The following XXYLT1 variants were observed in gnomAD, a reference collection of about 807,000 sequenced individuals.
The protein encoded by XXYLT1 is xyloside xylosyltransferase 1, also known as UDP-xylose:alpha-xyloside alpha-1,3-xylosyltransferase.
XXYLT1 carries 20 observed loss-of-function variants against 28.9 expected under a neutral mutation model. The ratio of observed to expected loss-of-function variants is 0.69; its 90% CI spans 0.49 to 1.00. The LOEUF (loss-of-function observed/expected upper bound fraction) is 1.00, where lower values mean the gene tolerates loss of function less well. XXYLT1 is among the 50% of genes least tolerant of loss of function. XXYLT1 has a pLI of 0.00. For synonymous variants in XXYLT1, 257 were observed against 253.8 expected (o/e 1.01, Z -0.12); for missense variants, 542 against 560.1 (o/e 0.97, Z 0.33).
chr3:195,193,330 G>T (rs1722500513), intron 2 of XXYLT1, among the ~76,000 whole-genome samples: 1 of 150,790 alleles, frequency 6.6e-6, no homozygotes, highest in African/African-American at 2.4e-5. Flanking sequence ...AAATACTTAG[G>T]AATAAACTTA....
chr3:195,109,068 T>C (rs1717308224), intron 3 of XXYLT1, among the ~76,000 whole-genome samples: 1 of 152,188 alleles, frequency 6.6e-6, no homozygotes, highest in African/African-American at 2.4e-5. Context: ...CTCAGGAAAG[T>C]GAACTCGAAA....
rs750520716 is a variant in XXYLT1 at position 195,240,967 on chromosome 3, T to C, written c.505-14111A>G. On this transcript the variant is annotated intron_variant, in intron 1 of 3. Coordinates refer to ENST00000310380, the MANE Select transcript of XXYLT1 (RefSeq NM_152531.5). This position sits in a 1 kb window ranked among gnomAD's most constrained non-coding sequence, Gnocchi z 4.7. ...CACTAAAACGCTCCAAACCTATAGG[T>C]AGATCAAACACAATTCTGAACGGAA... Among the ~76,000 whole-genome samples, 4 of 152,138 alleles carry C rather than the reference T, an allele frequency of 2.6e-5. No homozygotes were observed. The highest frequency in any genetic ancestry group is 6.5e-5 in the Admixed American group (1 of 15,276).
intron 3 of XXYLT1, among the ~76,000 whole-genome samples, chr3:195,083,977 G>T (rs1715583839): frequency 6.6e-6 from 1 of 152,028 alleles, no homozygotes; most frequent in Admixed American, 6.6e-5. Context: ...AGCGAGCCGA[G>T]ATTGCACCAC....
chr3:195,217,769 C>G (rs1283677164), intron 2 of XXYLT1, among the ~76,000 whole-genome samples: 3 of 151,318 alleles, frequency 2.0e-5, no homozygotes, highest in Admixed American at 1.3e-4. Flanking sequence ...ATGCCATCCC[C>G]ATCAAGCTAC....
chr3:195,129,205 A>G lies in XXYLT1; in HGVS notation c.785+27244T>C, dbSNP rs1229837258. 2.0e-5 allele frequency among the ~76,000 whole-genome samples: 3 copies of G among 152,044 alleles called. No individual in the cohort carries two copies. Among genetic ancestry groups the G allele is most frequent in the African/African-American group, 7.2e-5 (3 of 41,542 alleles). ...CTGCACTTATACGGCAGCCATTTAC[A>G]ACCTCCTGCCCTCTCTCTCTCTCTT... On this transcript the variant is annotated intron_variant, in intron 3 of 3. Coordinates refer to ENST00000310380, the MANE Select transcript of XXYLT1 (RefSeq NM_152531.5). The surrounding 1 kb of genome is among the most constrained non-coding windows in gnomAD (Gnocchi z 4.4).
intron 3 of XXYLT1, among the ~76,000 whole-genome samples, chr3:195,114,223 A>G (rs1157731277): frequency 6.6e-6 from 1 of 152,352 alleles, no homozygotes; most frequent in East Asian, 1.9e-4. Flanking sequence ...GGAAAGCTGC[A>G]TTGGGTGGCC....
intron 1 of XXYLT1, among the ~76,000 whole-genome samples, chr3:195,234,580 A>G (rs1220837075): frequency 6.6e-6 from 1 of 151,964 alleles, no homozygotes; most frequent in Non-Finnish European, 1.5e-5. Context: ...CAGCCTCCCA[A>G]AGTGCTCGGA....
intron 1 of XXYLT1, among the ~76,000 whole-genome samples, chr3:195,229,862 T>G (rs1485831668): frequency 6.6e-6 from 1 of 152,218 alleles, no homozygotes; most frequent in Non-Finnish European, 1.5e-5. Flanking sequence ...GGTGCAGATA[T>G]GTCTTCGATA....
chr3:195,270,802 G>A lies in XXYLT1; in HGVS notation c.257C>T (p.Ala86Val). 4 of 1,522,680 alleles carry A rather than the reference G, an allele frequency of 2.6e-6. No individual in the cohort carries two copies. Among genetic ancestry groups the A allele is most frequent in the Non-Finnish European group, 3.5e-6 (4 of 1,139,040 alleles). The allele number at this position is 1,522,680 out of a possible 1,614,324, so 94.3% of individuals were successfully genotyped here. Reference sequence around the variant, plus strand: ...GGCACCGCCGCCCTCCAAGCTCTTGGCCTTCGCGCCGGGGGCTGGCGCCAC... The same window carrying A: ...GGCACCGCCGCCCTCCAAGCTCTTGACCTTCGCGCCGGGGGCTGGCGCCAC... Reference protein sequence around the residue: ...GSVAPAPGAKAKSLEGGGAGP... With the variant: ...GSVAPAPGAKVKSLEGGGAGP... Residue 86 changes from alanine (A) to valine (V), a missense_variant, in exon 1 of 4, where the codon GCC becomes GTC. Transcript: ENST00000310380.
rs146227520 is a variant in XXYLT1, at chr3:195,222,505, G to C, written c.652+4204C>G. On this transcript the variant is annotated intron_variant, in intron 2 of 3. Transcript: ENST00000310380. ...GTTGACACACCCTGGCCTTATAAGG[G>C]TCACCTCTGGCCCAGTAATGCTACC... is the stretch of plus-strand genomic sequence containing the variant. Among the ~76,000 whole-genome samples, 920 of 152,268 alleles carry C rather than the reference G, an allele frequency of 6.0e-3. 9 individuals are homozygous for C. The highest frequency in any genetic ancestry group is 0.048 in the Middle Eastern group (14 of 294).
At chr3:195,151,547 A>T (rs534542064) in intron 3 of XXYLT1, among the ~76,000 whole-genome samples, 50 of 152,010 alleles carry the variant, frequency 3.3e-4, no homozygotes, top group South Asian at 2.9e-3. Context: ...TAAAAAAATT[A>T]AAAAAATTTA....
rs1024949358 is a variant in XXYLT1, at chr3:195,088,349, G to C, written c.786-18238C>G. On this transcript the variant is annotated intron_variant, in intron 3 of 3. Coordinates refer to ENST00000310380, the MANE Select transcript of XXYLT1 (RefSeq NM_152531.5). ...GCAGCTGGAGATCTGAGAACGGGCA[G>C]ACTGCCTCCTCAAGTGGGTCCCTGA... Among the ~76,000 whole-genome samples the C allele has an allele frequency of 6.9e-4, 102 of 148,642 alleles. 1 individual carries two copies. Among genetic ancestry groups the C allele is most frequent in the Non-Finnish European group, 1.4e-3 (91 of 66,578 alleles).
Position 195,129,193 on chromosome 3 carries a change from G to A in XXYLT1, c.785+27256C>T, listed in dbSNP as rs1718782426. The stretch of plus-strand genomic sequence containing the variant: ...GAACACTGAAGTCTGCACTTATACG[G>A]CAGCCATTTACAACCTCCTGCCCTC... On this transcript the variant is annotated intron_variant, in intron 3 of 3. Transcript: ENST00000310380. This position sits in a 1 kb window ranked among gnomAD's most constrained non-coding sequence, Gnocchi z 4.4. 6.6e-6 allele frequency among the ~76,000 whole-genome samples: 1 copy of A among 152,070 alleles called. No homozygotes were observed. The highest frequency in any genetic ancestry group is 2.4e-5 in the African/African-American group (1 of 41,408).
chr3:195,223,251 T>A (rs751709044), intron 2 of XXYLT1, among the ~76,000 whole-genome samples: 2 of 151,914 alleles, frequency 1.3e-5, no homozygotes, highest in Non-Finnish European at 2.9e-5. Context: ...TAAGCACATT[T>A]TAAAAATAGT....
intron 3 of XXYLT1, among the ~76,000 whole-genome samples, chr3:195,083,967 A>G (rs1367238813): frequency 6.6e-6 from 1 of 152,172 alleles, no homozygotes; most frequent in African/African-American, 2.4e-5. Context: ...CAGAGGTTGC[A>G]GCGAGCCGAG....
In XXYLT1 at chr3:195,204,464, A is replaced by ACTCACTCT. The variant is rs200664928; in HGVS notation, c.652+22237_652+22244dup. On this transcript the variant is annotated intron_variant, in intron 2 of 3. Coordinates refer to ENST00000310380, the MANE Select transcript of XXYLT1 (RefSeq NM_152531.5). The stretch of plus-strand genomic sequence containing the variant: ...CTGACACACACACGCACACACACAC[A>ACTCACTCT]CTCACTCTCTCACTCTCTCTCTCTC... 2.9e-5 allele frequency among the ~76,000 whole-genome samples: 4 copies of ACTCACTCT among 139,736 alleles called. No individual in the cohort carries two copies. The East Asian group carries it at 6.0e-4, about 21-fold the overall frequency. The allele number at this position is 139,736 out of a possible 152,430, so 91.7% of individuals were successfully genotyped here.
chr3:195,208,844 C>A (rs892388929), intron 2 of XXYLT1, among the ~76,000 whole-genome samples: 1 of 151,994 alleles, frequency 6.6e-6, no homozygotes, highest in South Asian at 2.1e-4. Flanking sequence ...GGTCACTGGG[C>A]GAGGGCCACG....
rs532565189 is a variant in XXYLT1 at position 195,151,950 on chromosome 3, C to T, written c.785+4499G>A. On this transcript the variant is annotated intron_variant, in intron 3 of 3. Coordinates refer to ENST00000310380, the MANE Select transcript of XXYLT1 (RefSeq NM_152531.5). The stretch of plus-strand genomic sequence containing the variant: ...ATGAGGGTCTCTCTCACAACAGAAA[C>T]TTCCACTATTACTTCATTTGAGTTC... Among the ~76,000 whole-genome samples the T allele has an allele frequency of 1.3e-3, 205 of 152,276 alleles. 1 individual carries two copies. Among genetic ancestry groups the T allele is most frequent in the African/African-American group, 4.6e-3 (190 of 41,526 alleles).
intron 2 of XXYLT1, among the ~76,000 whole-genome samples, chr3:195,222,042 G>A (rs768770686): frequency 1.3e-5 from 2 of 152,186 alleles, no homozygotes; most frequent in African/African-American, 2.4e-5. Flanking sequence ...TGCTCCAAGG[G>A]GGCGATCAGG....
Sources: gnomAD v4.1 joint callset for allele counts (sites outside exome capture counted in the v4.1 genomes callset) on GRCh38, gnomAD v4.1.1 for gene constraint, Gnocchi (gnomAD v3.1) non-coding constraint, MANE v1.5 for transcripts, NCBI Gene and HGNC (gene_info 2026-07-23, HGNC 2026-07-21) for gene names.